GNB1: variants seen among roughly 807,000 people sequenced by gnomAD.
The protein encoded by GNB1 is G protein subunit beta 1.
In GNB1, 2 loss-of-function variants were observed where a neutral mutation model predicts 42.9. The ratio of observed to expected loss-of-function variants is 0.05; its 90% CI spans 0.02 to 0.15. The LOEUF (loss-of-function observed/expected upper bound fraction) is 0.15, where lower values mean the gene tolerates loss of function less well. Among genes scored for constraint, GNB1 ranks in the 10% least tolerant of loss-of-function variants. The pLI, the probability that GNB1 is intolerant of heterozygous loss-of-function variation, is 1.00. For synonymous variants in GNB1, 183 were observed against 174.7 expected (o/e 1.05, Z -0.38); for missense variants, 193 against 462.2 (o/e 0.42, Z 5.34).
rs549953550 is a variant in GNB1, at chr1:1,804,690, A to G, written c.268-109T>C. 1.8e-4 allele frequency: 146 copies of G among 792,980 alleles called. 1 individual carries two copies. The Admixed American group carries it at 2.0e-3, about 11-fold the overall frequency. 49.1% of individuals were successfully genotyped at this position (792,980 alleles called of 1,614,324 possible). The stretch of plus-strand genomic sequence containing the variant: ...ACTGCAAAGGAGGTAACAGAACAAA[A>G]TAAGAGCCAAAATTATCTAGAGAGC... On this transcript the variant is annotated intron_variant, in intron 6 of 11. Coordinates refer to ENST00000378609, the MANE Select transcript of GNB1 (RefSeq NM_002074.5).
intron 10 of GNB1, 83 bp downstream of exon 10, chr1:1,788,970 C>A: frequency 1.0e-6 from 1 of 985,826 alleles, no homozygotes. Flanking sequence ...TAAAACACTG[C>A]AGCTTATGCA....
intron 1 of GNB1, among the ~76,000 whole-genome samples, chr1:1,867,046 C>T (rs1054918813): frequency 6.6e-6 from 1 of 152,000 alleles, no homozygotes; most frequent in Non-Finnish European, 1.5e-5. Flanking sequence ...GTGGGCAGGT[C>T]GCCTGAGGTC....
At chr1:1,882,708 G>A (rs936754523) in intron 1 of GNB1, among the ~76,000 whole-genome samples, 2 of 152,104 alleles carry the variant, frequency 1.3e-5, no homozygotes, top group African/African-American at 4.8e-5. Flanking sequence ...AGATCACGAG[G>A]TCAGGAGTTT....
chr1:1,848,744 G>A (rs543184961), intron 1 of GNB1, among the ~76,000 whole-genome samples: 1 of 152,304 alleles, frequency 6.6e-6, no homozygotes, highest in African/African-American at 2.4e-5. Context: ...GGAGTCAAGT[G>A]ATAGAAGAAT....
intron 7 of GNB1, among the ~76,000 whole-genome samples, chr1:1,796,131 T>C (rs1174414281): frequency 6.6e-6 from 1 of 152,208 alleles, no homozygotes; most frequent in Non-Finnish European, 1.5e-5. Flanking sequence ...CTTTTTCTTA[T>C]AAGATATGTA....
intron 2 of GNB1, among the ~76,000 whole-genome samples, chr1:1,837,080 G>A (rs1020418482): frequency 2.6e-5 from 4 of 151,944 alleles, no homozygotes; most frequent in African/African-American, 4.8e-5. Flanking sequence ...TTTGTCTTTC[G>A]TTCTCTGTTT....
chr1:1,837,941 G>A (rs1311924067), intron 2 of GNB1, among the ~76,000 whole-genome samples: 1 of 151,602 alleles, frequency 6.6e-6, no homozygotes, highest in African/African-American at 2.4e-5. Context: ...GGTGGCTCAC[G>A]CCTGTAATCC....
chr1:1,812,340 GAAAA>G (rs1164962295), intron 5 of GNB1, among the ~76,000 whole-genome samples: 4 of 106,986 alleles, frequency 3.7e-5, no homozygotes, highest in Admixed American at 9.4e-5. Context: ...AGAACTTAAA[GAAAA>G]AAAAAAAAGC....
In GNB1 at chr1:1,868,440, G is replaced by T. The variant is rs529199986; in HGVS notation, c.-96+22380C>A. Among the ~76,000 whole-genome samples the T allele has an allele frequency of 6.5e-4, 99 of 152,282 alleles. No individual in the cohort carries two copies. In the South Asian group the frequency reaches 0.011, roughly 17 times the overall value. On this transcript the variant is annotated intron_variant, in intron 1 of 11. Coordinates refer to ENST00000378609, the MANE Select transcript of GNB1 (RefSeq NM_002074.5). Reference sequence around the variant, plus strand: ...CTGCCTCAGCCTCCCAAAGCGCTGGGATTACAAGCATGAGACACCGTGCCT... The same window carrying T: ...CTGCCTCAGCCTCCCAAAGCGCTGGTATTACAAGCATGAGACACCGTGCCT...
chr1:1,834,907 A>G (rs912467395), intron 2 of GNB1, among the ~76,000 whole-genome samples: 1 of 151,950 alleles, frequency 6.6e-6, no homozygotes, highest in African/African-American at 2.4e-5. Flanking sequence ...TGACTTCATG[A>G]TCCGCCCACC....
At chr1:1,883,297 A>G (rs1250757378) in intron 1 of GNB1, among the ~76,000 whole-genome samples, 1 of 151,858 alleles carries the variant, frequency 6.6e-6, no homozygotes, top group Admixed American at 6.6e-5. Context: ...AAAAAAAAGA[A>G]AAAGAAAAAA....
rs1557886458 is a variant in GNB1 at position 1,799,576 on chromosome 1, G to A, written c.430+4843C>T. On this transcript the variant is annotated intron_variant, in intron 7 of 11. Transcript: ENST00000378609. ...TGAGCTGCCTGGCTGGACTCCCAGC[G>A]ATGGCCAGGGGCTCCTATCTGTAGG... 2.6e-5 allele frequency among the ~76,000 whole-genome samples: 4 copies of A among 152,210 alleles called. No homozygotes were observed. The South Asian group carries it at 6.2e-4, about 24-fold the overall frequency.
chr1:1,846,588 CAG>C (rs1477917176), intron 1 of GNB1, among the ~76,000 whole-genome samples: 2 of 152,086 alleles, frequency 1.3e-5, no homozygotes, highest in East Asian at 3.9e-4. Flanking sequence ...ATCAATCAAT[CAG>C]AGTCTCACTG....
At chr1:1,808,007 C>G (rs1347897643) in intron 5 of GNB1, among the ~76,000 whole-genome samples, 9 of 151,832 alleles carry the variant, frequency 5.9e-5, no homozygotes, top group Admixed American at 5.9e-4. Context: ...CCACGCCCGG[C>G]CTCTTTTTTT....
chr1:1,820,979 T>C lies in GNB1; in HGVS notation c.58-3104A>G, dbSNP rs943971686. ...AACAAAGAAGAAAAAGTCTTCAAGT[T>C]CTTTCAGATTAATTTCCAGTTTAAT... is the stretch of plus-strand genomic sequence containing the variant. On this transcript the variant is annotated intron_variant, in intron 3 of 11. Coordinates refer to ENST00000378609, the MANE Select transcript of GNB1 (RefSeq NM_002074.5). 8.5e-5 allele frequency among the ~76,000 whole-genome samples: 13 copies of C among 152,346 alleles called. No individual in the cohort carries two copies. In the South Asian group the frequency reaches 1.0e-3, roughly 12 times the overall value.
At chr1:1,876,514 A>AGAGAGAGAGAGAGAGAGAGAGC (rs1491127351) in intron 1 of GNB1, among the ~76,000 whole-genome samples, 2 of 149,866 alleles carry the variant, frequency 1.3e-5, no homozygotes, top group African/African-American at 5.0e-5. Flanking sequence ...AGAGAGAGAG[A>AGAGAGAGAGAGAGAGAGAGAGC]GCGAGCGTGC....
At position 1,785,892 on chromosome 1, in the gene GNB1, G is replaced by A; in HGVS notation, c.*1171C>T. The A allele has an allele frequency of 2.5e-6, 1 of 398,376 alleles. No homozygotes were observed. Among genetic ancestry groups the A allele is most frequent in the Non-Finnish European group, 4.4e-6 (1 of 225,904 alleles). 24.7% of individuals were successfully genotyped at this position (398,376 alleles called of 1,614,324 possible). A position where few individuals can be genotyped will look rare whatever the true frequency, so the allele number is the denominator to read the frequency against. On this transcript the variant is annotated 3_prime_UTR_variant, in exon 12 of 12. Coordinates refer to ENST00000378609, the MANE Select transcript of GNB1 (RefSeq NM_002074.5). ...GCGCGCTGTACTGCTTCCGATATGT[G>A]CCACAGAGCAGCAACGAGAAGTGGA...
chr1:1,827,670 T>C (rs1647017952), intron 2 of GNB1, among the ~76,000 whole-genome samples: 1 of 152,214 alleles, frequency 6.6e-6, no homozygotes, highest in South Asian at 2.1e-4. Context: ...TCTGGATGCC[T>C]TGTGCTTTGC....
Position 1,786,318 on chromosome 1 carries a change from C to A in GNB1, c.*745G>T. On this transcript the variant is annotated 3_prime_UTR_variant, in exon 12 of 12. Coordinates refer to ENST00000378609, the MANE Select transcript of GNB1 (RefSeq NM_002074.5). ...AGGATGGGTCAGGAGGAACATGGTG[C>A]TGGATCTGAGCTCACTTTTCAGCAA... is the stretch of plus-strand genomic sequence containing the variant. 2.8e-6 allele frequency: 1 copy of A among 361,180 alleles called. No homozygotes were observed. 22.4% of individuals were successfully genotyped at this position (361,180 alleles called of 1,614,324 possible). A position where few individuals can be genotyped will look rare whatever the true frequency, so the allele number is the denominator to read the frequency against.
Sources: gnomAD v4.1 joint callset for allele counts (sites outside exome capture counted in the v4.1 genomes callset) on GRCh38, gnomAD v4.1.1 for gene constraint, MANE v1.5 for transcripts, NCBI Gene and HGNC (gene_info 2026-07-23, HGNC 2026-07-21) for gene names.